Variants in HEPHL1 observed in about 807,000 individuals in gnomAD.
The protein encoded by HEPHL1 is hephaestin like 1.
In HEPHL1, 123 loss-of-function variants were observed where a neutral mutation model predicts 122.0. The observed-to-expected ratio is 1.01, with a 90% CI of 0.87 to 1.17. The LOEUF (loss-of-function observed/expected upper bound fraction) is 1.17, where lower values mean the gene tolerates loss of function less well. Among genes scored for constraint, HEPHL1 ranks in the 50% most tolerant of loss-of-function variants. The probability of loss-of-function intolerance (pLI) is 0.00; values close to 1 mark genes in which losing one functional copy is unlikely to be tolerated. For synonymous variants in HEPHL1, 527 were observed against 508.9 expected, an observed-to-expected ratio of 1.04 and a Z score of -0.48; for missense variants, 1,452 against 1,430.5, an observed-to-expected ratio of 1.01 and a Z score of -0.24.
chr11:94,045,670 T>C lies in HEPHL1; in HGVS notation c.171-3T>C. On this transcript the variant is annotated splice_polypyrimidine_tract_variant and splice_region_variant and intron_variant, in intron 1 of 19. Transcript: ENST00000315765. ...TTAAAAATGTTTTTCTTCTTACTTT[T>C]AGACTTGCAACCTTATTTCTCGAAA... The C allele has an allele frequency of 6.3e-7, 1 of 1,593,318 alleles. No individual in the cohort carries two copies. The highest frequency in any genetic ancestry group is 1.8e-5 in the Admixed American group (1 of 56,388).
chr11:94,080,304 G>A (rs1046945919), intron 9 of HEPHL1, among the ~76,000 whole-genome samples: 1 of 152,210 alleles, frequency 6.6e-6, no homozygotes, highest in South Asian at 2.1e-4. Context: ...ACTCAAGATG[G>A]ATTAAAGACT....
At chr11:94,028,292 T>C (rs1346249948) in intron 1 of HEPHL1, among the ~76,000 whole-genome samples, 1 of 152,150 alleles carries the variant, frequency 6.6e-6, no homozygotes, top group Admixed American at 6.5e-5. Context: ...GTCCCAGACA[T>C]AGTAGATGAT....
Position 94,101,288 on chromosome 11 carries a change from A to T in HEPHL1, c.2528A>T (p.Glu843Val). Residue 843 changes from glutamate to valine, a missense_variant, in exon 14 of 20, where the codon GAG (glutamate) becomes GTG (valine). Glu to Val is a moderately radical substitution (Grantham distance 121). Coordinates refer to ENST00000315765, the MANE Select transcript of HEPHL1 (RefSeq NM_001098672.2). Reference sequence around the variant, plus strand: ...TACTCCATCTCAGCCCAGGGTGTGGAGGAGATGGATAGTGGAAAGCAATTC... The same window carrying T: ...TACTCCATCTCAGCCCAGGGTGTGGTGGAGATGGATAGTGGAAAGCAATTC... ...RPYSISAQGV[E>V]EMDSGKQFQV... is the part of the protein sequence containing the mutation. The T allele has an allele frequency of 1.9e-6, 3 of 1,613,944 alleles. No homozygotes were observed. In the South Asian group the frequency reaches 3.3e-5, roughly 18 times the overall value.
In HEPHL1 at chr11:94,067,635, A is replaced by T; in HGVS notation, c.948A>T (p.Arg316Ser). The T allele has an allele frequency of 6.2e-7, 1 of 1,613,838 alleles. No individual in the cohort carries two copies. The highest frequency in any genetic ancestry group is 8.5e-7 in the Non-Finnish European group (1 of 1,179,760). The change falls in exon 5 of 20, where the codon AGA (arginine) becomes AGT (serine). Residue 316 changes from arginine (R) to serine (S), a missense_variant. By Grantham distance (110) the Arg-to-Ser change is moderately radical (BLOSUM62 -1). Transcript: ENST00000315765. ...TCTATGGTAACACCTTCATCAGCAG[A>T]GGGCATCGGACTGATGTCGTCAACC... ...IYFYGNTFIS[R>S]GHRTDVVNLF...
chr11:94,100,855 T>A (rs1946361955), intron 13 of HEPHL1, among the ~76,000 whole-genome samples: 1 of 152,184 alleles, frequency 6.6e-6, no homozygotes, highest in Non-Finnish European at 1.5e-5. Flanking sequence ...TAAACACTTT[T>A]AGATACATTA....
intron 1 of HEPHL1, among the ~76,000 whole-genome samples, chr11:94,043,909 G>T (rs1945809807): frequency 6.6e-6 from 1 of 151,920 alleles, no homozygotes; most frequent in East Asian, 1.9e-4. Flanking sequence ...TGGTACTGAT[G>T]GCAGGGCTTG....
intron 11 of HEPHL1, among the ~76,000 whole-genome samples, chr11:94,087,681 T>G (rs2949857): frequency 0.74 from 112,161 of 151,940 alleles, 41,887 homozygotes; most frequent in African/African-American, 0.86. Context: ...AAAATAGGCT[T>G]CCTGGAAAAA....
chr11:94,070,181 T>C (rs946388171), intron 5 of HEPHL1, among the ~76,000 whole-genome samples, 193 bp from the exon 6 acceptor site: 3 of 152,186 alleles, frequency 2.0e-5, no homozygotes, highest in African/African-American at 7.2e-5. Flanking sequence ...GTGATTTACG[T>C]ATTAATCTTT....
intron 2 of HEPHL1, chr11:94,055,856 C>T (rs1386738372): frequency 5.2e-6 from 3 of 575,742 alleles, no homozygotes; most frequent in Non-Finnish European, 9.2e-6. Flanking sequence ...TGGAATCTGC[C>T]AAAGATTTAG....
intron 1 of HEPHL1, among the ~76,000 whole-genome samples, chr11:94,027,287 C>A (rs1565342889): frequency 6.6e-6 from 1 of 152,180 alleles, no homozygotes; most frequent in Non-Finnish European, 1.5e-5. Flanking sequence ...TTAATCACAT[C>A]TGCAAAGACC....
chr11:94,065,671 T>A (rs1006724548), intron 4 of HEPHL1, among the ~76,000 whole-genome samples: 6 of 152,174 alleles, frequency 3.9e-5, no homozygotes, highest in Non-Finnish European at 8.8e-5. Flanking sequence ...ATGGAGTCAA[T>A]GAAGACATAA....
intron 13 of HEPHL1, among the ~76,000 whole-genome samples, chr11:94,100,398 A>G (rs1946358967): frequency 6.6e-6 from 1 of 152,326 alleles, no homozygotes; most frequent in Non-Finnish European, 1.5e-5. Flanking sequence ...TCTACTGACC[A>G]TGAAGCAGTG....
chr11:94,033,082 G>A (rs1945690658), intron 1 of HEPHL1, among the ~76,000 whole-genome samples: 1 of 152,140 alleles, frequency 6.6e-6, no homozygotes, highest in African/African-American at 2.4e-5. Flanking sequence ...AAGTCAAAAG[G>A]TCAAACTGCG....
intron 7 of HEPHL1, 58 bp downstream of exon 7, chr11:94,073,222 T>C (rs570642474): frequency 6.2e-7 from 1 of 1,608,228 alleles, no homozygotes; most frequent in East Asian, 2.2e-5. Flanking sequence ...GCTGGGCATG[T>C]ACATCTGCAC....
chr11:94,031,818 G>T (rs920325576), intron 1 of HEPHL1, among the ~76,000 whole-genome samples: 2 of 152,230 alleles, frequency 1.3e-5, no homozygotes, highest in African/African-American at 4.8e-5. Flanking sequence ...ACCCTGGGAA[G>T]GTTAATAATC....
chr11:94,089,118 C>T, intron 12 of HEPHL1, 150 bp downstream of exon 12: 1 of 751,608 alleles, frequency 1.3e-6, no homozygotes, highest in Non-Finnish European at 2.2e-6. Context: ...ATTAGGGAAG[C>T]TGCCCACCTC....
At chr11:94,044,261 A>G (rs1056981388) in intron 1 of HEPHL1, among the ~76,000 whole-genome samples, 5 of 152,070 alleles carry the variant, frequency 3.3e-5, no homozygotes, top group African/African-American at 1.2e-4. Flanking sequence ...CCAGGAAGGC[A>G]TCTGGTCATC....
At chr11:94,087,110 A>G (rs1201822386) in intron 11 of HEPHL1, among the ~76,000 whole-genome samples, 5 of 152,150 alleles carry the variant, frequency 3.3e-5, no homozygotes, top group African/African-American at 9.7e-5. Flanking sequence ...AGTCTTTTCT[A>G]TGTGAACTTT....
rs778242132 is a variant in HEPHL1, at chr11:94,111,691, G to A, written c.3278-1G>A. 9 of 1,612,560 alleles carry A rather than the reference G, an allele frequency of 5.6e-6. No homozygotes were observed. The Admixed American group carries it at 1.5e-4, about 27-fold the overall frequency. ...GCCTGACAAGTTTATCTTTTTCACA[G>A]AACGACCTGGCAAAGAGCAGCTCTA... On this transcript the variant is annotated splice_acceptor_variant, in intron 19 of 19. Transcript: ENST00000315765. LOFTEE classifies it high-confidence loss of function.
Sources: allele counts gnomAD v4.1 joint callset (sites outside exome capture counted in the v4.1 genomes callset), GRCh38; gene constraint gnomAD v4.1.1; transcripts MANE v1.5; gene names NCBI Gene and HGNC (gene_info 2026-07-23, HGNC 2026-07-21).